NTMT1: variants seen among roughly 807,000 people sequenced by gnomAD.
NTMT1 encodes N-terminal Xaa-Pro-Lys N-methyltransferase 1.
Under a neutral mutation model 17.5 loss-of-function variants are expected in NTMT1, and 8 were observed. The ratio of observed to expected loss-of-function variants is 0.46; its 90% confidence interval spans 0.27 to 0.82. The LOEUF is 0.82. NTMT1 is among the 40% of genes least tolerant of loss of function. The probability of loss-of-function intolerance (pLI) is 0.15; values close to 1 mark genes in which losing one functional copy is unlikely to be tolerated. For synonymous variants in NTMT1, 128 were observed against 126.8 expected, an observed-to-expected ratio of 1.01 and a Z score of -0.06; for missense variants, 221 against 303.5, an observed-to-expected ratio of 0.73 and a Z score of 2.02.
chr9:129,627,508 T>G (rs1830957795), intron 1 of NTMT1, among the ~76,000 whole-genome samples: 1 of 152,232 alleles, frequency 6.6e-6, no homozygotes, highest in Admixed American at 6.5e-5. Context: ...GCTTTTCATA[T>G]GCACTTTTAA....
At chr9:129,634,354 C>T (rs1174565390) in intron 3 of NTMT1, 48 bp downstream of exon 3, 15 of 1,546,976 alleles carry the variant, frequency 9.7e-6, no homozygotes, top group Non-Finnish European at 1.2e-5. Flanking sequence ...TCTCCTGCCA[C>T]TCGCGTTCCC....
At chr9:129,628,519 A>T (rs1831000331) in intron 1 of NTMT1, 1 of 152,236 alleles carries the variant, frequency 6.6e-6, no homozygotes, top group Admixed American at 6.5e-5. Flanking sequence ...CCAGTTCTGA[A>T]TGGTTGGACT....
chr9:129,617,963 C>T (rs1286602514), intron 1 of NTMT1, among the ~76,000 whole-genome samples: 3 of 152,202 alleles, frequency 2.0e-5, no homozygotes, highest in Non-Finnish European at 4.4e-5. Context: ...GGATTATAGG[C>T]ATGAGCCACC....
intron 1 of NTMT1, among the ~76,000 whole-genome samples, chr9:129,610,593 G>C (rs994340974): frequency 6.6e-5 from 10 of 152,104 alleles, no homozygotes; most frequent in Non-Finnish European, 1.2e-4. Flanking sequence ...CAGCAGCGCG[G>C]AGGCGGAGGC....
In NTMT1 at chr9:129,615,608, C is replaced by T. The variant is rs2275899; in HGVS notation, c.-55+6430C>T. 5,633 of 1,600,626 alleles carry T rather than the reference C, an allele frequency of 3.5e-3. 179 individuals are homozygous for T. In the East Asian group the frequency reaches 0.075, roughly 21 times the overall value. Reference sequence around the variant, plus strand: ...CTTCCCCCGAGGGGTTGTGGGTCAGCGCAGCCTTGAGCCTGGGGACCTGTG... The same window carrying T: ...CTTCCCCCGAGGGGTTGTGGGTCAGTGCAGCCTTGAGCCTGGGGACCTGTG... On this transcript the variant is annotated intron_variant, in intron 1 of 3. Coordinates refer to the NTMT1 transcript ENST00000372486.
At position 129,635,294 on chromosome 9, in the gene NTMT1, A is replaced by G. The variant is rs1319090416; in HGVS notation, c.502A>G (p.Asn168Asp). Residue 168 changes from asparagine (N) to aspartate (D), a missense_variant, in exon 4 of 4, where the codon AAC becomes GAC. By Grantham distance (23) the Asn-to-Asp change is conservative. Coordinates refer to ENST00000372483, the MANE Select transcript of NTMT1 (RefSeq NM_014064.4). ...CAACGGCATCATCGTCATCAAAGACAACATGGCCCAGGAGGGCGTGATTCT... is the reference window on the plus strand; with the variant it reads ...CAACGGCATCATCGTCATCAAAGACGACATGGCCCAGGAGGGCGTGATTCT... Reference protein sequence around the residue: ...RPNGIIVIKDNMAQEGVILDD... With the variant: ...RPNGIIVIKDDMAQEGVILDD... 1.2e-6 allele frequency: 2 copies of G among 1,613,788 alleles called. No individual in the cohort carries two copies. The highest frequency in any genetic ancestry group is 1.7e-6 in the Non-Finnish European group (2 of 1,180,022).
chr9:129,634,434 C>G (rs1831392164), intron 3 of NTMT1, 128 bp downstream of exon 3: 2 of 1,037,696 alleles, frequency 1.9e-6, no homozygotes, highest in East Asian at 2.7e-5. Context: ...CCACCCCGCC[C>G]AGGCCCACCC....
chr9:129,635,152 C>G, intron 3 of NTMT1, 56 bp from the exon 4 acceptor site: 5 of 1,566,832 alleles, frequency 3.2e-6, no homozygotes, highest in Non-Finnish European at 4.3e-6. Flanking sequence ...ACATCCCATC[C>G]AGTGCCGACA....
chr9:129,612,755 C>T (rs555423498), intron 1 of NTMT1, among the ~76,000 whole-genome samples: 47 of 152,142 alleles, frequency 3.1e-4, no homozygotes, highest in Admixed American at 6.5e-4. Context: ...GTGGGTGTCC[C>T]CATTGCAGAG....
At chr9:129,625,864 T>G (rs1187665208), upstream of NTMT1, among the ~76,000 whole-genome samples, 1 of 151,658 alleles carries the variant, frequency 6.6e-6, no homozygotes, top group Non-Finnish European at 1.5e-5. Context: ...ATACAAAAAT[T>G]AGCTGGGTGT....
upstream of NTMT1, among the ~76,000 whole-genome samples, chr9:129,623,197 G>C (rs1830789874): frequency 6.6e-6 from 1 of 150,594 alleles, no homozygotes; most frequent in African/African-American, 2.5e-5. Flanking sequence ...GCTGGTTGTG[G>C]TGACGGGTAC....
At chr9:129,623,823 CTTTTCTTT>C (rs1830814050), upstream of NTMT1, among the ~76,000 whole-genome samples, 3 of 107,818 alleles carry the variant, frequency 2.8e-5, no homozygotes, top group Admixed American at 1.1e-4. Context: ...TTTTTCTTTT[CTTTTCTTT>C]TTTTTTTTTT....
chr9:129,629,413 C>A (rs923211019), intron 1 of NTMT1, among the ~76,000 whole-genome samples: 3 of 151,680 alleles, frequency 2.0e-5, no homozygotes, highest in Non-Finnish European at 2.9e-5. Context: ...TTTTTTGACA[C>A]AATGTCTCAC....
At chr9:129,633,049 C>A in intron 2 of NTMT1, 184 bp downstream of exon 2, 1 of 592,238 alleles carries the variant, frequency 1.7e-6, no homozygotes, top group Non-Finnish European at 2.9e-6. Context: ...AGATTGTGGA[C>A]TTAGCCTCAG....
chr9:129,612,169 C>G, intron 1 of NTMT1: 1 of 598,422 alleles, frequency 1.7e-6, no homozygotes, highest in Non-Finnish European at 3.0e-6. Flanking sequence ...GGCTGTGTCT[C>G]CATCCCCTTC....
chr9:129,609,943 GGTGT>G (rs1830073142), intron 1 of NTMT1, among the ~76,000 whole-genome samples: 1 of 151,224 alleles, frequency 6.6e-6, no homozygotes, highest in Non-Finnish European at 1.5e-5. Context: ...GTATGTGTGT[GGTGT>G]GTGTGTCTGA....
At chr9:129,612,605 C>T (rs192596505) in intron 1 of NTMT1, 8 of 648,558 alleles carry the variant, frequency 1.2e-5, no homozygotes, top group African/African-American at 5.4e-5. Context: ...AGGTCAAGCA[C>T]GGTGGCTCTC....
chr9:129,629,300 C>G (rs1396711213), intron 1 of NTMT1, among the ~76,000 whole-genome samples: 2 of 152,202 alleles, frequency 1.3e-5, no homozygotes, highest in African/African-American at 4.8e-5. Context: ...TACATGGTGA[C>G]ATTCAGATTG....
In NTMT1 at chr9:129,613,363, A is replaced by G. The variant is rs2118853149; in HGVS notation, c.-55+4185A>G. The G allele has an allele frequency of 6.3e-7, 1 of 1,582,270 alleles. No homozygotes were observed. Among genetic ancestry groups the G allele is most frequent in the East Asian group, 2.3e-5 (1 of 44,414 alleles). Reference sequence around the variant, plus strand: ...GCAACCCGCCTGCTGCTGGGTGGGGAGGTCTGTAGGCAAGGGGGGTGGAGG... The same window carrying G: ...GCAACCCGCCTGCTGCTGGGTGGGGGGGTCTGTAGGCAAGGGGGGTGGAGG... On this transcript the variant is annotated intron_variant, in intron 1 of 3. Coordinates refer to the NTMT1 transcript ENST00000372486. This position sits in a 1 kb window ranked among gnomAD's most constrained non-coding sequence, Gnocchi z 6.2.
Sources: allele counts gnomAD v4.1 joint callset (sites outside exome capture counted in the v4.1 genomes callset), GRCh38; gene constraint gnomAD v4.1.1; non-coding constraint Gnocchi (gnomAD v3.1); transcripts MANE v1.5; gene names NCBI Gene and HGNC (gene_info 2026-07-23, HGNC 2026-07-21).